TOPBP1: variants seen among roughly 807,000 people sequenced by gnomAD.
The protein encoded by TOPBP1 is DNA topoisomerase II binding protein 1, also known as DNA topoisomerase 2-binding protein 1.
In TOPBP1, 28 loss-of-function variants were observed where a neutral mutation model predicts 167.7. The ratio of observed to expected loss-of-function variants is 0.17; its 90% confidence interval spans 0.12 to 0.23. The LOEUF (loss-of-function observed/expected upper bound fraction) is 0.23. Ranked by LOEUF, TOPBP1 falls within the 10% of genes least tolerant of loss-of-function variation. The pLI is 1.00. For missense variants in TOPBP1, 1,554 were observed against 1,809.6 expected, an observed-to-expected ratio of 0.86 and a Z score of 2.56; for synonymous variants, 598 against 611.4, an observed-to-expected ratio of 0.98 and a Z score of 0.32.
intron 27 of TOPBP1, among the ~76,000 whole-genome samples, chr3:133,605,198 C>CAAAAAAAAAAAAA (rs76623187): frequency 9.6e-6 from 1 of 104,650 alleles, no homozygotes; most frequent in Admixed American, 1.0e-4. Context: ...GACCGTGTCT[C>CAAAAAAAAAAAAA]AAAAAAAAAA....
intron 12 of TOPBP1, 61 bp downstream of exon 12, chr3:133,643,139 A>T: frequency 1.4e-6 from 2 of 1,424,268 alleles, no homozygotes; most frequent in Non-Finnish European, 1.8e-6. Flanking sequence ...ATGCTCTCCA[A>T]GAAGTCAAAA....
At chr3:133,641,000 G>A (rs1046664379) in intron 12 of TOPBP1, among the ~76,000 whole-genome samples, 2 of 152,236 alleles carry the variant, frequency 1.3e-5, no homozygotes, top group African/African-American at 2.4e-5. Context: ...ACAGAATTCC[G>A]TGATTTCTTT....
chr3:133,612,627 CA>C, intron 23 of TOPBP1, 75 bp from the exon 24 acceptor site: 1 of 1,342,364 alleles, frequency 7.4e-7, no homozygotes, highest in Non-Finnish European at 9.9e-7. Context: ...CTCAACTACG[CA>C]TAGAAATTAT....
intron 27 of TOPBP1, among the ~76,000 whole-genome samples, chr3:133,601,798 A>G (rs1035585041): frequency 6.6e-6 from 1 of 152,204 alleles, no homozygotes; most frequent in African/African-American, 2.4e-5. Flanking sequence ...ATTTCCCAAC[A>G]TAGAAATGGA....
intron 23 of TOPBP1, among the ~76,000 whole-genome samples, chr3:133,615,801 TCTCA>T (rs1934851690): frequency 7.1e-6 from 1 of 140,856 alleles, no homozygotes; most frequent in South Asian, 2.1e-4. Flanking sequence ...TGAGATGGGG[TCTCA>T]CTATGTTGCC....
chr3:133,642,190 T>C (rs1935910380), intron 12 of TOPBP1, among the ~76,000 whole-genome samples: 2 of 151,844 alleles, frequency 1.3e-5, no homozygotes. Context: ...AGAGACGAGG[T>C]CTCACTATGT....
intron 12 of TOPBP1, among the ~76,000 whole-genome samples, chr3:133,641,835 A>AATT (rs1296179023): frequency 1.3e-5 from 2 of 152,202 alleles, no homozygotes; most frequent in African/African-American, 2.4e-5. Flanking sequence ...CAAACAGAAA[A>AATT]CAGCAAAAAA....
At chr3:133,657,710 G>A (rs1163586088) in intron 4 of TOPBP1, 88 bp downstream of exon 4, 10 of 1,127,598 alleles carry the variant, frequency 8.9e-6, no homozygotes, top group African/African-American at 1.6e-5. Flanking sequence ...TAAGCGGAAA[G>A]TCTTTTAAGC....
chr3:133,601,624 C>T (rs116724374), intron 27 of TOPBP1, among the ~76,000 whole-genome samples: 1,566 of 152,194 alleles, frequency 0.01, 28 homozygotes, highest in African/African-American at 0.036. Flanking sequence ...GTGGGACTAG[C>T]TCAGATCTTA....
At chr3:133,634,297 T>C (rs1935591340) in intron 14 of TOPBP1, among the ~76,000 whole-genome samples, 1 of 152,182 alleles carries the variant, frequency 6.6e-6, no homozygotes, top group African/African-American at 2.4e-5. Flanking sequence ...TCACTTGATA[T>C]CAGGAGTTCA....
rs1381998899 is a variant in TOPBP1 at position 133,649,584 on chromosome 3, A to G, written c.1303T>C (p.Tyr435His). The change falls in exon 10 of 28, where the codon TAT (tyrosine) becomes CAT (histidine). Residue 435 changes from tyrosine to histidine, a missense_variant. Tyr to His is a moderately conservative substitution (Grantham distance 83). Transcript: ENST00000260810. ...KWLLECFSKG[Y>H]MLSEEPYIHA... is the part of the protein sequence containing the mutation. Reference sequence around the variant, plus strand: ...ATATATGGTTCTTCAGAAAGCATATAACCTTTACTGAAACACTCTAGCAAC... The same window carrying G: ...ATATATGGTTCTTCAGAAAGCATATGACCTTTACTGAAACACTCTAGCAAC... 2.5e-6 allele frequency: 4 copies of G among 1,613,874 alleles called. No individual in the cohort carries two copies. The highest frequency in any genetic ancestry group is 3.4e-6 in the Non-Finnish European group (4 of 1,179,856).
chr3:133,650,980 C>T (rs564159461), intron 8 of TOPBP1, among the ~76,000 whole-genome samples: 25 of 151,588 alleles, frequency 1.6e-4, no homozygotes, highest in African/African-American at 6.0e-4. Context: ...ACCTGTAATC[C>T]CAACTACTTA....
intron 19 of TOPBP1, among the ~76,000 whole-genome samples, chr3:133,622,128 C>T (rs1935108318): frequency 6.6e-6 from 1 of 150,854 alleles, no homozygotes; most frequent in Admixed American, 6.6e-5. Context: ...AAAACACTAC[C>T]CAAGGTAACA....
chr3:133,619,287 A>T (rs1043917913), intron 20 of TOPBP1, among the ~76,000 whole-genome samples: 2 of 152,162 alleles, frequency 1.3e-5, no homozygotes, highest in Non-Finnish European at 2.9e-5. Flanking sequence ...CTCTATAATG[A>T]TAAAACATGA....
At position 133,649,927 on chromosome 3, in the gene TOPBP1, A is replaced by G; in HGVS notation, c.1106T>C (p.Phe369Ser). ...LDGCRIYLCG[F>S]SGRKLDKLRR... ...CAGTTTATCTAGCTTTCTGCCACTA[A>G]AACCGCAAAGATATATCTGCAAGAA... Residue 369 changes from phenylalanine to serine, a missense_variant, in exon 9 of 28, where the codon TTT becomes TCT. Phe to Ser is a radical substitution (Grantham distance 155). Transcript: ENST00000260810. The G allele has an allele frequency of 1.3e-6, 2 of 1,598,378 alleles. No homozygotes were observed. The highest frequency in any genetic ancestry group is 2.2e-5 in the East Asian group (1 of 44,702).
At chr3:133,644,470 T>TA in intron 10 of TOPBP1, 107 bp from the exon 11 acceptor site, 2 of 1,097,126 alleles carry the variant, frequency 1.8e-6, no homozygotes, top group Non-Finnish European at 2.6e-6. Flanking sequence ...TGACCATACT[T>TA]ACAAAACTAA....
intron 6 of TOPBP1, among the ~76,000 whole-genome samples, chr3:133,654,817 G>A (rs1936422065): frequency 6.6e-6 from 1 of 151,404 alleles, no homozygotes; most frequent in African/African-American, 2.5e-5. Flanking sequence ...TTTGCAAGAT[G>A]TTAGAGAAAA....
At chr3:133,624,207 C>G in intron 16 of TOPBP1, 32 bp from the exon 17 acceptor site, 1 of 1,603,090 alleles carries the variant, frequency 6.2e-7, no homozygotes, top group Non-Finnish European at 8.5e-7. Context: ...AACAAATAAC[C>G]AAGAGAAACA....
At chr3:133,648,569 G>A (rs982891330) in intron 10 of TOPBP1, among the ~76,000 whole-genome samples, 3 of 152,166 alleles carry the variant, frequency 2.0e-5, no homozygotes, top group African/African-American at 4.8e-5. Flanking sequence ...AGGCCAAGGC[G>A]GGTGGATCAC....
Sources: gnomAD v4.1 joint callset for allele counts (sites outside exome capture counted in the v4.1 genomes callset) on GRCh38, gnomAD v4.1.1 for gene constraint, MANE v1.5 for transcripts, NCBI Gene and HGNC (gene_info 2026-07-23, HGNC 2026-07-21) for gene names.